TTC33: variants seen among roughly 807,000 people sequenced by gnomAD.
TTC33 encodes tetratricopeptide repeat domain 33.
TTC33 carries 24 observed loss-of-function variants against 29.4 expected under a neutral mutation model. That is an observed-to-expected ratio of 0.82 (90% confidence interval 0.59 to 1.15). TTC33 has a LOEUF of 1.15. Ranked by LOEUF, TTC33 falls within the 50% of genes most tolerant of loss-of-function variation. The pLI is 0.00. For missense variants in TTC33, 286 were observed against 310.4 expected (o/e 0.92, Z 0.59); for synonymous variants, 107 against 100.3 (o/e 1.07, Z -0.40).
chr5:40,749,784 A>G (rs1486808183), intron 1 of TTC33, among the ~76,000 whole-genome samples: 2 of 152,234 alleles, frequency 1.3e-5, no homozygotes, highest in African/African-American at 2.4e-5. Flanking sequence ...TTATAGCATC[A>G]TATCTTTAAA....
At chr5:40,723,520 A>T (rs886943894) in intron 4 of TTC33, among the ~76,000 whole-genome samples, 65 of 152,182 alleles carry the variant, frequency 4.3e-4, no homozygotes, top group Admixed American at 3.4e-3. Flanking sequence ...ATTAAAAAAA[A>T]AAAAAAAAGA....
In TTC33 at chr5:40,714,424, A is replaced by G. The variant is rs1478200890; in HGVS notation, c.*1721T>C. ...TATAAGAAAGACACTAAGTAGATCAATCTAATTTTTCAAAAGCTAACAACA... is the reference window on the plus strand; with the variant it reads ...TATAAGAAAGACACTAAGTAGATCAGTCTAATTTTTCAAAAGCTAACAACA... On this transcript the variant is annotated 3_prime_UTR_variant, in exon 5 of 5. Transcript: ENST00000337702. 2.0e-5 allele frequency: 3 copies of G among 152,242 alleles called. No homozygotes were observed. The highest frequency in any genetic ancestry group is 2.1e-4 in the South Asian group (1 of 4,828). 9.4% of individuals were successfully genotyped at this position (152,242 alleles called of 1,614,324 possible). A position where few individuals can be genotyped will look rare whatever the true frequency, so the allele number is the denominator to read the frequency against.
chr5:40,724,762 A>G (rs114668609), intron 4 of TTC33, among the ~76,000 whole-genome samples: 2,682 of 152,308 alleles, frequency 0.018, 39 homozygotes, highest in Non-Finnish European at 0.022. Flanking sequence ...CTATAATTCA[A>G]GAATTTGTAC....
chr5:40,736,086 G>A (rs538688348), intron 2 of TTC33, among the ~76,000 whole-genome samples: 23 of 152,180 alleles, frequency 1.5e-4, no homozygotes, highest in Admixed American at 3.3e-4. Context: ...TCAGAACAAC[G>A]TTCCTGAGAA....
chr5:40,730,024 C>T lies in TTC33; in HGVS notation c.303+238G>A, dbSNP rs837109. On this transcript the variant is annotated intron_variant, in intron 3 of 4. Transcript: ENST00000337702. ...ACCAGTGACTTTAAAAGATAGCCAC[C>T]GATTCCTATCTTACAATAGTTAGGC... Among the ~76,000 whole-genome samples the T allele has an allele frequency of 1.1e-3, 164 of 152,228 alleles. 1 individual carries two copies. In the East Asian group the frequency reaches 0.026, roughly 25 times the overall value.
At chr5:40,751,103 A>C (rs1292462819) in intron 1 of TTC33, among the ~76,000 whole-genome samples, 1 of 152,256 alleles carries the variant, frequency 6.6e-6, no homozygotes, top group Non-Finnish European at 1.5e-5. Flanking sequence ...AATCCTTTCC[A>C]GAAAGTTTTC....
intron 3 of TTC33, among the ~76,000 whole-genome samples, chr5:40,729,616 G>A (rs1203131429): frequency 6.6e-6 from 1 of 152,104 alleles, no homozygotes; most frequent in Admixed American, 6.5e-5. Flanking sequence ...GAACTATTTT[G>A]CTAAGTCTAC....
At chr5:40,727,909 T>C (rs1742327811) in intron 4 of TTC33, among the ~76,000 whole-genome samples, 1 of 152,192 alleles carries the variant, frequency 6.6e-6, no homozygotes, top group Admixed American at 6.5e-5. Flanking sequence ...GATTAATACC[T>C]TTAAGAAGTA....
In TTC33 at chr5:40,728,781, C is replaced by T. The variant is rs1742355944; in HGVS notation, c.304-305G>A. 3.3e-5 allele frequency among the ~76,000 whole-genome samples: 5 copies of T among 152,308 alleles called. No homozygotes were observed. The South Asian group carries it at 1.0e-3, about 32-fold the overall frequency. On this transcript the variant is annotated intron_variant, in intron 3 of 4. Transcript: ENST00000337702. ...GTATTTTGAACTCCCAATTCCACTT[C>T]CATTTATTCTATTTACAATGTGGTT...
rs751105816 is a variant in TTC33, at chr5:40,716,267, T to C, written c.667A>G (p.Lys223Glu). The change falls in exon 5 of 5, where the codon AAG becomes GAG. Residue 223 changes from lysine (K) to glutamate (E), a missense_variant. Physicochemically the swap from Lys to Glu is moderately conservative, Grantham distance 56 (BLOSUM62 1). Transcript: ENST00000337702. ...ATTGTTTTATTTGCTGAAACTGTCT[T>C]CTCTTTCTCAGCAATAGCTGCACAA... ...AVCAAIAEKE[K>E]TVSANKTMVI... The C allele has an allele frequency of 1.6e-5, 26 of 1,614,104 alleles. No homozygotes were observed. In the South Asian group the frequency reaches 2.6e-4, roughly 16 times the overall value.
rs112277028 is a variant in TTC33 at position 40,747,621 on chromosome 5, T to C, written c.-1-602A>G. Among the ~76,000 whole-genome samples, 281 of 152,200 alleles carry C rather than the reference T, an allele frequency of 1.8e-3. 1 individual carries two copies. The highest frequency in any genetic ancestry group is 6.5e-3 in the African/African-American group (268 of 41,534). On this transcript the variant is annotated intron_variant, in intron 1 of 4. Coordinates refer to ENST00000337702, the MANE Select transcript of TTC33 (RefSeq NM_012382.3). ...AAGAAATACAGGATAAAGTGAAGCA[T>C]GCTCAATAACACATCAGAGATGCAG...
Position 40,715,108 on chromosome 5 carries a change from T to A in TTC33, c.*1037A>T, listed in dbSNP as rs182569297. On this transcript the variant is annotated 3_prime_UTR_variant, in exon 5 of 5. Coordinates refer to ENST00000337702, the MANE Select transcript of TTC33 (RefSeq NM_012382.3). ...TCTATGTATTTTGTGCTTAAGTTAT[T>A]TATTCATTGGCACTCTAATAACAGC... The A allele has an allele frequency of 6.9e-4, 105 of 152,192 alleles. No individual in the cohort carries two copies. Among genetic ancestry groups the A allele is most frequent in the African/African-American group, 2.3e-3 (96 of 41,580 alleles). 9.4% of individuals were successfully genotyped at this position (152,192 alleles called of 1,614,324 possible). A position where few individuals can be genotyped will look rare whatever the true frequency, so the allele number is the denominator to read the frequency against.
At chr5:40,728,249 A>C in intron 4 of TTC33, 96 bp downstream of exon 4, 1 of 987,440 alleles carries the variant, frequency 1.0e-6, no homozygotes, top group African/African-American at 1.9e-5. Context: ...GCACCACTGC[A>C]CTGTACCCTG....
chr5:40,722,769 G>A (rs1342015675), intron 4 of TTC33, among the ~76,000 whole-genome samples: 1 of 151,306 alleles, frequency 6.6e-6, no homozygotes, highest in Non-Finnish European at 1.5e-5. Context: ...CCCCGTCCCG[G>A]AGGTGGCGGG....
chr5:40,742,902 C>T (rs1258004343), intron 2 of TTC33, among the ~76,000 whole-genome samples: 6 of 152,122 alleles, frequency 3.9e-5, no homozygotes, highest in South Asian at 2.1e-4. Flanking sequence ...CTTATAAAAA[C>T]GTTTTTAGCC....
intron 4 of TTC33, among the ~76,000 whole-genome samples, chr5:40,718,900 A>G (rs1742066558): frequency 6.6e-6 from 1 of 152,082 alleles, no homozygotes; most frequent in Admixed American, 6.6e-5. Flanking sequence ...GACTGTCTCA[A>G]AATAAATAAA....
intron 4 of TTC33, among the ~76,000 whole-genome samples, chr5:40,726,506 C>G (rs1436590398): frequency 6.8e-6 from 1 of 147,888 alleles, no homozygotes; most frequent in African/African-American, 2.5e-5. Flanking sequence ...CAGCTTAAAT[C>G]TACATAAAAA....
intron 1 of TTC33, among the ~76,000 whole-genome samples, chr5:40,750,401 T>C (rs1742874050): frequency 6.6e-6 from 1 of 152,010 alleles, no homozygotes; most frequent in African/African-American, 2.4e-5. Context: ...ACAAAAAATT[T>C]TTAAAAACTA....
chr5:40,747,061 T>C (rs1561154886), intron 1 of TTC33, 42 bp from the exon 2 acceptor site: 44 of 1,499,556 alleles, frequency 2.9e-5, no homozygotes, highest in Non-Finnish European at 3.9e-5. Flanking sequence ...TCTAACTTGA[T>C]CTTTTTTTTT....
Sources: gnomAD v4.1 joint callset for allele counts (sites outside exome capture counted in the v4.1 genomes callset) on GRCh38, gnomAD v4.1.1 for gene constraint, MANE v1.5 for transcripts, NCBI Gene and HGNC (gene_info 2026-07-23, HGNC 2026-07-21) for gene names.